The following APBB2 variants were observed in gnomAD, a reference collection of about 807,000 sequenced individuals.
APBB2 encodes the protein Fe65-like 1.
In APBB2, 38 loss-of-function variants were observed where a neutral mutation model predicts 82.5. The ratio of observed to expected loss-of-function variants is 0.46; its 90% CI spans 0.36 to 0.60. The LOEUF is 0.60. Among genes scored for constraint, APBB2 ranks in the 20% least tolerant of loss-of-function variants. The pLI is 0.00. For missense variants in APBB2, 772 were observed against 972.3 expected (o/e 0.79, Z 2.74); for synonymous variants, 341 against 368.2 (o/e 0.93, Z 0.85).
intron 4 of APBB2, among the ~76,000 whole-genome samples, chr4:41,039,609 G>A (rs1271172459): frequency 1.3e-5 from 2 of 152,078 alleles, no homozygotes; most frequent in African/African-American, 2.4e-5. Context: ...TGTAAATCCC[G>A]GCACTTTCAA....
chr4:40,908,402 T>C (rs1777644488), intron 10 of APBB2, among the ~76,000 whole-genome samples: 3 of 152,156 alleles, frequency 2.0e-5, no homozygotes. Flanking sequence ...CAGTGAAGCC[T>C]GAGTTTGTGT....
At chr4:41,069,992 G>C (rs1318853996) in intron 3 of APBB2, among the ~76,000 whole-genome samples, 1 of 152,178 alleles carries the variant, frequency 6.6e-6, no homozygotes, top group East Asian at 1.9e-4. Flanking sequence ...CAAAGCAACA[G>C]AAATTGCAGA....
chr4:40,917,094 C>T (rs996399909), intron 10 of APBB2, among the ~76,000 whole-genome samples: 1 of 152,164 alleles, frequency 6.6e-6, no homozygotes, highest in South Asian at 2.1e-4. Flanking sequence ...ATTACTGCCA[C>T]CTGTGGGACA....
intron 1 of APBB2, among the ~76,000 whole-genome samples, chr4:41,159,039 C>T (rs1251838806): frequency 6.6e-6 from 1 of 152,160 alleles, no homozygotes; most frequent in East Asian, 1.9e-4. Flanking sequence ...CCCACCTCAC[C>T]CTCAGGTCCT....
Position 40,945,038 on chromosome 4 carries a change from G to T in APBB2, c.871C>A (p.Pro291Thr). The T allele has an allele frequency of 7.2e-7, 1 of 1,383,230 alleles. No individual in the cohort carries two copies. Among genetic ancestry groups the T allele is most frequent in the Non-Finnish European group, 9.6e-7 (1 of 1,037,974 alleles). The allele number at this position is 1,383,230 out of a possible 1,614,324, so 85.7% of individuals were successfully genotyped here. A position where few individuals can be genotyped will look rare whatever the true frequency, so the allele number is the denominator to read the frequency against. ...IWSDHSFQTD[P>T]DLPPGWKRVS... ...CTTTTCCAGCCAGGCGGCAAATCTG[G>T]ATCAGTCTGAAATGAGTGATCACTC... The change falls in exon 7 of 18, where the codon CCA becomes ACA. Residue 291 changes from proline (P) to threonine (T), a missense_variant. Physicochemically the swap from Pro to Thr is conservative, Grantham distance 38. Transcript: ENST00000508593.
chr4:41,194,779 A>G, intron 1 of APBB2, among the ~76,000 whole-genome samples: 1 of 152,240 alleles, frequency 6.6e-6, no homozygotes, highest in Non-Finnish European at 1.5e-5. Flanking sequence ...TTTGTACTGA[A>G]TACTTAAAAC....
Position 40,945,037 on chromosome 4 carries a change from G to C in APBB2, c.872C>G (p.Pro291Arg), listed in dbSNP as rs754310309. The part of the protein sequence containing the change: ...IWSDHSFQTD[P>R]DLPPGWKRVS... ...TCTTTTCCAGCCAGGCGGCAAATCTGGATCAGTCTGAAATGAGTGATCACT... is the reference window on the plus strand; with the variant it reads ...TCTTTTCCAGCCAGGCGGCAAATCTCGATCAGTCTGAAATGAGTGATCACT... Residue 291 changes from proline (P) to arginine (R), a missense_variant, in exon 7 of 18, where the codon CCA (proline) becomes CGA (arginine). Physicochemically the swap from Pro to Arg is moderately radical, Grantham distance 103. Coordinates refer to ENST00000508593, the MANE Select transcript of APBB2 (RefSeq NM_004307.2). 6 of 1,539,452 alleles carry C rather than the reference G, an allele frequency of 3.9e-6. No individual in the cohort carries two copies. The highest frequency in any genetic ancestry group is 1.1e-5 in the South Asian group (1 of 90,140).
intron 12 of APBB2, among the ~76,000 whole-genome samples, chr4:40,839,866 T>C (rs922712956): frequency 2.0e-5 from 3 of 152,212 alleles, no homozygotes; most frequent in African/African-American, 4.8e-5. Context: ...GGCTTCGCCA[T>C]GTTGGCCAGG....
At chr4:40,817,596 G>A (rs1466902260) in intron 17 of APBB2, among the ~76,000 whole-genome samples, 1 of 152,006 alleles carries the variant, frequency 6.6e-6, no homozygotes, top group African/African-American at 2.4e-5. Context: ...TGAATATGTA[G>A]GATTTTGGTA....
chr4:40,841,795 A>AG (rs890990181), intron 12 of APBB2, among the ~76,000 whole-genome samples: 9 of 152,190 alleles, frequency 5.9e-5, no homozygotes, highest in African/African-American at 2.2e-4. Flanking sequence ...TCTCCTGCCT[A>AG]GGCCTCCCAA....
intron 2 of APBB2, among the ~76,000 whole-genome samples, chr4:41,128,148 C>T (rs1039272399): frequency 1.3e-5 from 2 of 151,934 alleles, no homozygotes; most frequent in Non-Finnish European, 2.9e-5. Context: ...TATAAGCAGC[C>T]AACAAATCTA....
chr4:41,035,128 C>T (rs1718651894), intron 4 of APBB2, among the ~76,000 whole-genome samples: 1 of 152,146 alleles, frequency 6.6e-6, no homozygotes, highest in African/African-American at 2.4e-5. Flanking sequence ...GCGTAATGCA[C>T]TTCCATGAAA....
intron 12 of APBB2, among the ~76,000 whole-genome samples, chr4:40,839,695 C>T (rs941830214): frequency 6.6e-6 from 1 of 150,866 alleles, no homozygotes; most frequent in South Asian, 2.1e-4. Flanking sequence ...GGTGGAGTCT[C>T]GCTCTGTTGC....
intron 12 of APBB2, chr4:40,842,291 G>A (rs564888273): frequency 2.8e-5 from 12 of 425,454 alleles, no homozygotes; most frequent in Non-Finnish European, 4.8e-5. Flanking sequence ...ATGGCAATGC[G>A]ACATGAAGAA....
At chr4:40,845,713 A>G (rs1398319473) in intron 12 of APBB2, among the ~76,000 whole-genome samples, 5 of 151,682 alleles carry the variant, frequency 3.3e-5, no homozygotes, top group Admixed American at 3.3e-4. Flanking sequence ...GCTGCGCACA[A>G]CTGTCCACTT....
chr4:41,161,188 A>C (rs1222246989), intron 1 of APBB2, among the ~76,000 whole-genome samples: 1 of 150,688 alleles, frequency 6.6e-6, no homozygotes, highest in Non-Finnish European at 1.5e-5. Context: ...AAAAAAAAAA[A>C]AAAAAACGTG....
At chr4:41,046,620 G>C (rs1723525874) in intron 4 of APBB2, among the ~76,000 whole-genome samples, 1 of 152,114 alleles carries the variant, frequency 6.6e-6, no homozygotes, top group Non-Finnish European at 1.5e-5. Flanking sequence ...GATAATTAAA[G>C]GAAACTAAGG....
intron 10 of APBB2, among the ~76,000 whole-genome samples, chr4:40,916,175 G>A (rs770353237): frequency 5.3e-5 from 8 of 152,192 alleles, no homozygotes; most frequent in African/African-American, 1.7e-4. Context: ...GAATTCCTAC[G>A]GGGAGGAATG....
At chr4:41,028,911 TC>T (rs1396548294) in intron 5 of APBB2, among the ~76,000 whole-genome samples, 1 of 152,170 alleles carries the variant, frequency 6.6e-6, no homozygotes, top group African/African-American at 2.4e-5. Flanking sequence ...GCTTTCCCCC[TC>T]CTCCTTTTCC....
Sources: allele counts gnomAD v4.1 joint callset (sites outside exome capture counted in the v4.1 genomes callset), GRCh38; gene constraint gnomAD v4.1.1; transcripts MANE v1.5; gene names NCBI Gene and HGNC (gene_info 2026-07-23, HGNC 2026-07-21).